Variants in POLQ observed in about 807,000 individuals in gnomAD.
The protein encoded by POLQ is DNA polymerase theta.
A neutral mutation model predicts 259.2 loss-of-function variants in POLQ; 233 were observed. The observed-to-expected ratio is 0.90, with a 90% confidence interval of 0.81 to 1.00. The LOEUF (loss-of-function observed/expected upper bound fraction) is 1.00, where lower values mean the gene tolerates loss of function less well. Ranked by LOEUF, POLQ falls within the 50% of genes least tolerant of loss-of-function variation. POLQ has a pLI of 0.00. For synonymous variants in POLQ, 1,025 were observed against 1,048.8 expected (o/e 0.98, Z 0.44); for missense variants, 2,871 against 3,051.6 (o/e 0.94, Z 1.39).
intron 12 of POLQ, among the ~76,000 whole-genome samples, chr3:121,499,669 GGAA>G (rs1256486370): frequency 6.6e-6 from 1 of 151,894 alleles, no homozygotes; most frequent in Non-Finnish European, 1.5e-5. Flanking sequence ...AGGAGATAAG[GGAA>G]GAATCAATAT....
chr3:121,496,187 T>TTC (rs1438623416), intron 14 of POLQ, among the ~76,000 whole-genome samples: 1 of 151,038 alleles, frequency 6.6e-6, no homozygotes, highest in South Asian at 2.1e-4. Context: ...GTACCTTTTT[T>TTC]TTTTTTTGAG....
intron 9 of POLQ, among the ~76,000 whole-genome samples, 154 bp from the exon 10 acceptor site, chr3:121,512,183 G>A (rs989597530): frequency 6.6e-6 from 1 of 152,172 alleles, no homozygotes; most frequent in Non-Finnish European, 1.5e-5. Flanking sequence ...TTGAACTTTG[G>A]ACAGAAGGGG....
At chr3:121,481,526 C>T in intron 19 of POLQ, 46 bp downstream of exon 19, 1 of 1,510,476 alleles carries the variant, frequency 6.6e-7, no homozygotes, top group Non-Finnish European at 8.9e-7. Flanking sequence ...GGCTAAATCT[C>T]TATCTCTAAT....
At chr3:121,515,387 C>A (rs2108810467) in intron 9 of POLQ, among the ~76,000 whole-genome samples, 1 of 152,296 alleles carries the variant, frequency 6.6e-6, no homozygotes, top group Middle Eastern at 3.4e-3. Context: ...CTCCACCTAA[C>A]CTCGAGGCCC....
chr3:121,529,264 C>A (rs2048394049), intron 7 of POLQ, among the ~76,000 whole-genome samples: 1 of 152,102 alleles, frequency 6.6e-6, no homozygotes, highest in Admixed American at 6.6e-5. Flanking sequence ...TTCAGAGTTA[C>A]ACATTCCTTT....
At chr3:121,540,508 C>T (rs1038363348) in intron 3 of POLQ, among the ~76,000 whole-genome samples, 2 of 152,044 alleles carry the variant, frequency 1.3e-5, no homozygotes, top group Non-Finnish European at 2.9e-5. Flanking sequence ...GTGAAAATGC[C>T]CTAAAAACTG....
At chr3:121,452,173 G>A (rs1188610591) in intron 25 of POLQ, among the ~76,000 whole-genome samples, 3 of 152,180 alleles carry the variant, frequency 2.0e-5, no homozygotes, top group Middle Eastern at 3.2e-3. Flanking sequence ...CGATTTTCCA[G>A]GTGCCATCTG....
At chr3:121,529,882 GC>G in intron 6 of POLQ, 90 bp from the exon 7 acceptor site, 1 of 942,842 alleles carries the variant, frequency 1.1e-6, no homozygotes, top group Non-Finnish European at 1.5e-6. Context: ...TTCTGGGGAA[GC>G]TTTTTCTTCT....
chr3:121,461,664 AG>A (rs534644642), intron 24 of POLQ, among the ~76,000 whole-genome samples: 1,192 of 20,974 alleles, frequency 0.057, 29 homozygotes, highest in African/African-American at 0.14. Flanking sequence ...AAAAAAAAAA[AG>A]AAAGAAAAAG....
Position 121,489,948 on chromosome 3 carries a change from C to G in POLQ, c.2983G>C (p.Asp995His), listed in dbSNP as rs2048052165. 1.3e-6 allele frequency: 2 copies of G among 1,578,000 alleles called. No individual in the cohort carries two copies. Among genetic ancestry groups the G allele is most frequent in the Non-Finnish European group, 1.7e-6 (2 of 1,169,410 alleles). The change falls in exon 16 of 30, where the codon GAT becomes CAT. Residue 995 changes from aspartate (D) to histidine (H), a missense_variant. Physicochemically the swap from Asp to His is moderately conservative, Grantham distance 81. Around this residue, in one of 3 missense-constraint regions of POLQ, gnomAD observed 2,080 missense variants for 2,126.0 expected, o/e 0.98. Coordinates refer to ENST00000264233, the MANE Select transcript of POLQ (RefSeq NM_199420.4). ...IFRARKRASL[D>H]INKEKPGASQ... The stretch of plus-strand genomic sequence containing the variant: ...GCTCCTGGCTTCTCTTTATTTATAT[C>G]TAAAGAGGCCCGTTTTCTTGCTCTG...
In POLQ at chr3:121,433,020, C is replaced by T; in HGVS notation, c.7557G>A (p.Lys2519=). 1.2e-6 allele frequency: 2 copies of T among 1,602,582 alleles called. No individual in the cohort carries two copies. The highest frequency in any genetic ancestry group is 1.7e-6 in the Non-Finnish European group (2 of 1,169,606). Residue 2519 remains lysine, a synonymous_variant, in exon 29 of 30, where the codon AAG becomes AAA. Transcript: ENST00000264233. ...LQSDQTGLSR[K]RKLQGMFCPI... Reference sequence around the variant, plus strand: ...GGCAGAACATCCCTTGCAGTTTTCTCTTTCGTGACAATCCTACTTCATGAA... The same window carrying T: ...GGCAGAACATCCCTTGCAGTTTTCTTTTTCGTGACAATCCTACTTCATGAA...
chr3:121,528,727 C>T (rs9682353), intron 7 of POLQ, among the ~76,000 whole-genome samples: 7 of 152,046 alleles, frequency 4.6e-5, no homozygotes, highest in Non-Finnish European at 7.4e-5. Flanking sequence ...CCAAGGCAGG[C>T]GGATCACTTC....
At chr3:121,510,596 A>C (rs117572435) in intron 10 of POLQ, among the ~76,000 whole-genome samples, 1 of 152,036 alleles carries the variant, frequency 6.6e-6, no homozygotes, top group Admixed American at 6.6e-5. Context: ...ATTAAAAAAA[A>C]AAATAAATAA....
At chr3:121,502,762 A>C (rs2048181536) in intron 12 of POLQ, among the ~76,000 whole-genome samples, 1 of 152,236 alleles carries the variant, frequency 6.6e-6, no homozygotes, top group Non-Finnish European at 1.5e-5. Flanking sequence ...AAATTACATA[A>C]AATACTAAGT....
chr3:121,535,987 T>C (rs555351490), intron 5 of POLQ, among the ~76,000 whole-genome samples: 2 of 152,182 alleles, frequency 1.3e-5, no homozygotes, highest in Admixed American at 1.3e-4. Flanking sequence ...TTCAAGAAGA[T>C]GACTGGCAGA....
intron 27 of POLQ, among the ~76,000 whole-genome samples, chr3:121,437,681 TC>T (rs2047555262): frequency 6.6e-6 from 1 of 152,208 alleles, no homozygotes; most frequent in African/African-American, 2.4e-5. Context: ...CACCACTGTG[TC>T]TTTACCAAAC....
At chr3:121,498,413 G>A in intron 13 of POLQ, 64 bp downstream of exon 13, 1 of 1,094,094 alleles carries the variant, frequency 9.1e-7, no homozygotes, top group Non-Finnish European at 1.3e-6. Flanking sequence ...ACAATAAACT[G>A]GGCGTCTACT....
intron 12 of POLQ, among the ~76,000 whole-genome samples, chr3:121,501,515 T>C (rs1227120871): frequency 1.8e-4 from 26 of 145,800 alleles, no homozygotes; most frequent in Middle Eastern, 3.3e-3. Context: ...AAAAATTAGC[T>C]GGGCGTAGTG....
In POLQ at chr3:121,522,102, C is replaced by G. The variant is rs776837608; in HGVS notation, c.1156G>C (p.Glu386Gln). ...AACTGATCCATCACTTCCAGGAGTT[C>G]TTTTTGTTCCAGAATTACTGGTGGG... The part of the protein sequence containing the change: ...ECPPVILEQK[E>Q]LLEVMDQLRR... Residue 386 changes from glutamate (E) to glutamine (Q), a missense_variant, in exon 8 of 30, where the codon GAA (glutamate) becomes CAA (glutamine). This residue lies in a region of POLQ where 783 missense variants were observed against 906.2 expected (regional missense o/e 0.86). Coordinates refer to ENST00000264233, the MANE Select transcript of POLQ (RefSeq NM_199420.4). 3.7e-6 allele frequency: 6 copies of G among 1,610,302 alleles called. No individual in the cohort carries two copies. Among genetic ancestry groups the G allele is most frequent in the African/African-American group, 1.3e-5 (1 of 74,696 alleles).
Sources: gnomAD v4.1 joint callset for allele counts (sites outside exome capture counted in the v4.1 genomes callset) on GRCh38, gnomAD v4.1.1 for gene constraint, gnomAD v4.1.1 regional missense constraint, MANE v1.5 for transcripts, NCBI Gene and HGNC (gene_info 2026-07-23, HGNC 2026-07-21) for gene names.